The following LYZL4 variants were observed in gnomAD, a reference collection of about 807,000 sequenced individuals.
LYZL4 encodes lysozyme like 4.
LYZL4 carries 13 observed loss-of-function variants against 17.6 expected under a neutral mutation model. That is an observed-to-expected ratio of 0.74 (90% CI 0.48 to 1.18). LYZL4 has a LOEUF of 1.18. Among genes scored for constraint, LYZL4 ranks in the 50% most tolerant of loss-of-function variants. The probability of loss-of-function intolerance (pLI) is 0.00; values close to 1 mark genes in which losing one functional copy is unlikely to be tolerated. For missense variants in LYZL4, 174 were observed against 188.2 expected (o/e 0.92, Z 0.44); for synonymous variants, 64 against 67.7 (o/e 0.95, Z 0.27).
At chr3:42,384,703 G>A in the LYZL4 span, among the ~76,000 whole-genome samples, 1 of 152,210 alleles carries the variant, frequency 6.6e-6, no homozygotes, top group Non-Finnish European at 1.5e-5. Context: ...GCTCAGCTGT[G>A]AAGAGCATTT....
Position 42,406,952 on chromosome 3 carries a change from G to T in LYZL4, c.186C>A (p.Ile62=), listed in dbSNP as rs775329162. The T allele has an allele frequency of 1.9e-6, 3 of 1,614,104 alleles. No homozygotes were observed. The highest frequency in any genetic ancestry group is 1.7e-6 in the Non-Finnish European group (2 of 1,180,044). The change falls in exon 3 of 5, where the codon ATC becomes ATA. Residue 62 remains isoleucine, a synonymous_variant. Transcript: ENST00000287748. ...YFESKFNPMA[I]YENTREGYTG... is the part of the protein sequence containing the mutation. The stretch of plus-strand genomic sequence containing the variant: ...TGTAGCCCTCACGTGTGTTCTCGTA[G>T]ATGGCCATGGGGTTGAACTTGCTCT...
At chr3:42,375,077 C>G in the LYZL4 span, among the ~76,000 whole-genome samples, 1 of 152,164 alleles carries the variant, frequency 6.6e-6, no homozygotes, top group African/African-American at 2.4e-5. Flanking sequence ...TCCCAAAGTG[C>G]TGGGATTACA....
chr3:42,407,556 T>A (rs1698781751), intron 1 of LYZL4: 1 of 376,542 alleles, frequency 2.7e-6, no homozygotes, highest in Non-Finnish European at 4.9e-6. Flanking sequence ...ATTCTTTCCA[T>A]CCAGCAAAAC....
intron 3 of LYZL4, among the ~76,000 whole-genome samples, chr3:42,405,144 G>T (rs1359754363): frequency 2.0e-5 from 3 of 152,060 alleles, no homozygotes; most frequent in Non-Finnish European, 4.4e-5. Flanking sequence ...CGCCTCCCAG[G>T]TTCACGCCAT....
chr3:42,403,053 G>A (rs1309552658), intron 4 of LYZL4, among the ~76,000 whole-genome samples: 1 of 152,144 alleles, frequency 6.6e-6, no homozygotes, highest in Non-Finnish European at 1.5e-5. Flanking sequence ...AACTAGATTT[G>A]CATTTATTTT....
At chr3:42,391,213 CAT>C in the LYZL4 span, among the ~76,000 whole-genome samples, 1 of 152,148 alleles carries the variant, frequency 6.6e-6, no homozygotes, top group Non-Finnish European at 1.5e-5. Context: ...TCAAATGAAA[CAT>C]ATAACAGGTA....
At chr3:42,399,855 G>A (rs1698623729) in intron 4 of LYZL4, among the ~76,000 whole-genome samples, 2 of 151,918 alleles carry the variant, frequency 1.3e-5, no homozygotes, top group African/African-American at 4.8e-5. Context: ...AGAGGCTGGA[G>A]ATATAGAAGC....
At chr3:42,408,735 G>T (rs1204250367) in intron 1 of LYZL4, among the ~76,000 whole-genome samples, 1 of 152,148 alleles carries the variant, frequency 6.6e-6, no homozygotes, top group African/African-American at 2.4e-5. Context: ...ACCGTTCACA[G>T]GTGCATGTCT....
chr3:42,363,113 A>T, the LYZL4 span, among the ~76,000 whole-genome samples: 1 of 152,244 alleles, frequency 6.6e-6, no homozygotes, highest in African/African-American at 2.4e-5. Context: ...CATTCTATAA[A>T]ACAGCTGGCA....
chr3:42,403,573 G>T (rs1216610658), intron 4 of LYZL4, among the ~76,000 whole-genome samples: 1 of 152,118 alleles, frequency 6.6e-6, no homozygotes, highest in East Asian at 1.9e-4. Flanking sequence ...ACCATGCCCA[G>T]CCAGTTATTC....
rs371051091 is a variant in LYZL4 at position 42,406,838 on chromosome 3, G to C, written c.292+8C>G. 4.3e-6 allele frequency: 7 copies of C among 1,613,522 alleles called. No individual in the cohort carries two copies. Among genetic ancestry groups the C allele is most frequent in the Middle Eastern group, 1.6e-4 (1 of 6,084 alleles). ...GTGCCCCCGCACGGAATGGAAAGAGGGACTTACCGGAACATGACATATGGC... is the reference window on the plus strand; with the variant it reads ...GTGCCCCCGCACGGAATGGAAAGAGCGACTTACCGGAACATGACATATGGC... On this transcript the variant is annotated splice_region_variant and intron_variant, in intron 3 of 4. Transcript: ENST00000287748.
the LYZL4 span, among the ~76,000 whole-genome samples, chr3:42,386,245 G>C: frequency 2.6e-5 from 4 of 152,146 alleles, no homozygotes; most frequent in African/African-American, 4.8e-5. Context: ...TGGGATTACA[G>C]GCACCTGCCA....
chr3:42,385,183 C>CA, the LYZL4 span, among the ~76,000 whole-genome samples: 85 of 144,712 alleles, frequency 5.9e-4, 1 homozygote, highest in East Asian at 1.8e-3. Flanking sequence ...TGCCTCTTTT[C>CA]AAAAAAAAAA....
chr3:42,388,021 G>T, the LYZL4 span, among the ~76,000 whole-genome samples: 3 of 152,228 alleles, frequency 2.0e-5, no homozygotes, highest in Admixed American at 1.3e-4. Context: ...CAGCCTCCAG[G>T]GGTCGTGAGC....
the LYZL4 span, among the ~76,000 whole-genome samples, chr3:42,387,091 TTTC>T: frequency 6.6e-6 from 1 of 152,230 alleles, no homozygotes; most frequent in Non-Finnish European, 1.5e-5. Context: ...CCATATTTTA[TTTC>T]TTCATTTCCT....
At chr3:42,377,593 CAT>C in the LYZL4 span, among the ~76,000 whole-genome samples, 1 of 149,292 alleles carries the variant, frequency 6.7e-6, no homozygotes, top group Non-Finnish European at 1.5e-5. Flanking sequence ...ATTACCAGAA[CAT>C]GTTTCCATCA....
chr3:42,394,933 T>C (rs963962455), downstream of LYZL4, among the ~76,000 whole-genome samples: 12 of 152,350 alleles, frequency 7.9e-5, no homozygotes, highest in Non-Finnish European at 1.5e-4. Flanking sequence ...GTGTGCATTA[T>C]CGTTCTTGGA....
the LYZL4 span, among the ~76,000 whole-genome samples, chr3:42,381,488 G>T: frequency 6.6e-6 from 1 of 152,160 alleles, no homozygotes; most frequent in African/African-American, 2.4e-5. Flanking sequence ...AAGTCAACTG[G>T]CTTAAAACTG....
chr3:42,376,895 A>T, the LYZL4 span, among the ~76,000 whole-genome samples: 2 of 152,242 alleles, frequency 1.3e-5, no homozygotes, highest in African/African-American at 2.4e-5. Context: ...TTCTTCCTAT[A>T]TTAGTTTTAA....
Sources: allele counts gnomAD v4.1 joint callset (sites outside exome capture counted in the v4.1 genomes callset), GRCh38; gene constraint gnomAD v4.1.1; transcripts MANE v1.5; gene names NCBI Gene and HGNC (gene_info 2026-07-23, HGNC 2026-07-21).